SLC24A3: variants seen among roughly 807,000 people sequenced by gnomAD.
SLC24A3 encodes sodium/potassium/calcium exchanger 3.
SLC24A3 carries 28 observed loss-of-function variants against 75.8 expected under a neutral mutation model. The observed-to-expected ratio is 0.37, with a 90% CI of 0.27 to 0.51. The LOEUF is 0.51. Among genes scored for constraint, SLC24A3 ranks in the 20% least tolerant of loss-of-function variants. The pLI is 0.94. For synonymous variants in SLC24A3, 372 were observed against 334.1 expected (o/e 1.11, Z -1.24); for missense variants, 663 against 847.8 (o/e 0.78, Z 2.71).
chr20:19,602,386 T>C (rs925773806), intron 6 of SLC24A3, among the ~76,000 whole-genome samples: 1 of 151,984 alleles, frequency 6.6e-6, no homozygotes, highest in African/African-American at 2.4e-5. Context: ...GGAGAGCTTT[T>C]GCCCACCTAC....
At chr20:19,358,337 G>A (rs1219255815) in intron 2 of SLC24A3, among the ~76,000 whole-genome samples, 1 of 152,106 alleles carries the variant, frequency 6.6e-6, no homozygotes, top group Admixed American at 6.5e-5. Flanking sequence ...TGGGCCCTGG[G>A]CTCCTTGCTG....
chr20:19,247,597 G>T (rs1404543983), intron 1 of SLC24A3, among the ~76,000 whole-genome samples: 3 of 152,168 alleles, frequency 2.0e-5, no homozygotes, highest in Non-Finnish European at 4.4e-5. Context: ...CCGCGTAGAT[G>T]ATGGAGCAAC....
At position 19,409,593 on chromosome 20, in the gene SLC24A3, T is replaced by C. The variant is rs150347953; in HGVS notation, c.272-105895T>C. Reference sequence around the variant, plus strand: ...TAGGGGAGATACATTTCTTATATGATTGTAACAAGCAAGGAAAAATAACCC... The same window carrying C: ...TAGGGGAGATACATTTCTTATATGACTGTAACAAGCAAGGAAAAATAACCC... On this transcript the variant is annotated intron_variant, in intron 2 of 16. Coordinates refer to ENST00000328041, the MANE Select transcript of SLC24A3 (RefSeq NM_020689.4). 3.3e-3 allele frequency among the ~76,000 whole-genome samples: 508 copies of C among 152,226 alleles called. 1 individual carries two copies. The highest frequency in any genetic ancestry group is 4.4e-3 in the Non-Finnish European group (298 of 68,024).
intron 2 of SLC24A3, among the ~76,000 whole-genome samples, chr20:19,374,569 A>G (rs1270904954): frequency 2.6e-5 from 4 of 152,186 alleles, no homozygotes; most frequent in Non-Finnish European, 5.9e-5. Context: ...TTTATGGTTT[A>G]ACAGCCCTTT....
At chr20:19,508,964 G>A (rs545468441) in intron 2 of SLC24A3, among the ~76,000 whole-genome samples, 1 of 152,252 alleles carries the variant, frequency 6.6e-6, no homozygotes, top group Non-Finnish European at 1.5e-5. Context: ...GCCAATGCAA[G>A]ACAGGAAGGA....
At chr20:19,615,832 G>A (rs2031728955) in intron 6 of SLC24A3, among the ~76,000 whole-genome samples, 1 of 152,094 alleles carries the variant, frequency 6.6e-6, no homozygotes, top group South Asian at 2.1e-4. Flanking sequence ...TGGCTTCCTG[G>A]GGACTCTCAG....
At chr20:19,243,732 T>G (rs896453323) in intron 1 of SLC24A3, 6 of 152,458 alleles carry the variant, frequency 3.9e-5, no homozygotes, top group African/African-American at 1.4e-4. Flanking sequence ...GTTTCTCATC[T>G]GCTAGGGCTG....
intron 9 of SLC24A3, among the ~76,000 whole-genome samples, chr20:19,678,338 T>C (rs1279439640): frequency 8.8e-6 from 1 of 113,954 alleles, no homozygotes; most frequent in Non-Finnish European, 1.9e-5. Context: ...GGCGGGGGGC[T>C]GACCCCCCCC....
chr20:19,412,534 A>T (rs970701085), intron 2 of SLC24A3, among the ~76,000 whole-genome samples: 2 of 151,742 alleles, frequency 1.3e-5, no homozygotes, highest in Non-Finnish European at 2.9e-5. Context: ...GAGGAGAAGG[A>T]GGAAAAGAGG....
chr20:19,263,696 GATCT>G (rs539816450), intron 1 of SLC24A3, among the ~76,000 whole-genome samples: 145 of 152,302 alleles, frequency 9.5e-4, no homozygotes, highest in Admixed American at 5.4e-3. Context: ...AGAGGGCATG[GATCT>G]ATCTTTCTTT....
chr20:19,651,722 G>A (rs1019780520), intron 6 of SLC24A3, among the ~76,000 whole-genome samples: 5 of 151,924 alleles, frequency 3.3e-5, no homozygotes, highest in African/African-American at 4.8e-5. Flanking sequence ...TTTGCCAGGC[G>A]TGGTGGTGGG....
intron 13 of SLC24A3, 128 bp downstream of exon 13, chr20:19,693,553 A>C: frequency 8.4e-7 from 1 of 1,192,308 alleles, no homozygotes; most frequent in African/African-American, 1.5e-5. Context: ...ACAACGAACC[A>C]CTCCTAAACT....
rs2032767296 is a variant in SLC24A3, at chr20:19,693,254, T to C, written c.1325-5T>C. ...ATTTCTTTTTGGCCTTTTTCATTTT[T>C]CCAGCGGGTAAACTGGAAACAGTGA... On this transcript the variant is annotated splice_region_variant and splice_polypyrimidine_tract_variant and intron_variant, in intron 12 of 16. Transcript: ENST00000328041. 8 of 1,593,578 alleles carry C rather than the reference T, an allele frequency of 5.0e-6. No homozygotes were observed. Among genetic ancestry groups the C allele is most frequent in the Non-Finnish European group, 6.8e-6 (8 of 1,173,466 alleles).
intron 1 of SLC24A3, among the ~76,000 whole-genome samples, chr20:19,255,689 C>G (rs1183884673): frequency 6.6e-6 from 1 of 152,232 alleles, no homozygotes; most frequent in Non-Finnish European, 1.5e-5. Flanking sequence ...CCATGAGCCA[C>G]ACATGGCAAC....
chr20:19,500,498 G>T (rs1988368393), intron 2 of SLC24A3, among the ~76,000 whole-genome samples: 2 of 152,062 alleles, frequency 1.3e-5, no homozygotes, highest in Non-Finnish European at 2.9e-5. Flanking sequence ...TTAAATATTG[G>T]AGTCTCTCAT....
At chr20:19,487,910 CAG>C (rs1326077359) in intron 2 of SLC24A3, among the ~76,000 whole-genome samples, 2 of 152,164 alleles carry the variant, frequency 1.3e-5, no homozygotes, top group Non-Finnish European at 2.9e-5. Context: ...AAAATTCCTA[CAG>C]AGTTTTGTTT....
chr20:19,527,284 A>G (rs958477023), intron 3 of SLC24A3, among the ~76,000 whole-genome samples: 1 of 152,184 alleles, frequency 6.6e-6, no homozygotes, highest in Non-Finnish European at 1.5e-5. Flanking sequence ...ACCTGGGACC[A>G]TGCCTCACTC....
chr20:19,376,457 T>G (rs1986084884), intron 2 of SLC24A3, among the ~76,000 whole-genome samples: 1 of 152,190 alleles, frequency 6.6e-6, no homozygotes, highest in South Asian at 2.1e-4. Context: ...CAGATTGCCT[T>G]GTGCGCTGCT....
At chr20:19,519,831 G>A (rs1568642563) in intron 3 of SLC24A3, among the ~76,000 whole-genome samples, 1 of 152,202 alleles carries the variant, frequency 6.6e-6, no homozygotes, top group Non-Finnish European at 1.5e-5. Context: ...CTGAATCTGG[G>A]AGATTATAAG....
Sources: allele counts gnomAD v4.1 joint callset (sites outside exome capture counted in the v4.1 genomes callset), GRCh38; gene constraint gnomAD v4.1.1; transcripts MANE v1.5; gene names NCBI Gene and HGNC (gene_info 2026-07-23, HGNC 2026-07-21).